The following ANTXR1 variants were observed in gnomAD, a reference collection of about 807,000 sequenced individuals.
ANTXR1 encodes ANTXR cell adhesion molecule 1.
ANTXR1 carries 19 observed loss-of-function variants against 78.1 expected under a neutral mutation model. The ratio of observed to expected loss-of-function variants is 0.24; its 90% CI spans 0.17 to 0.36. The LOEUF (loss-of-function observed/expected upper bound fraction) is 0.36, where lower values mean the gene tolerates loss of function less well. Ranked by LOEUF, ANTXR1 falls within the 10% of genes least tolerant of loss-of-function variation. The pLI is 1.00. For synonymous variants in ANTXR1, 273 were observed against 260.5 expected, an observed-to-expected ratio of 1.05 and a Z score of -0.46; for missense variants, 518 against 718.6, an observed-to-expected ratio of 0.72 and a Z score of 3.19.
chr2:69,215,903 C>T (rs1675162539), intron 17 of ANTXR1, among the ~76,000 whole-genome samples: 1 of 152,146 alleles, frequency 6.6e-6, no homozygotes. Context: ...TTTTTAACAA[C>T]AAAGATATCA....
intron 3 of ANTXR1, among the ~76,000 whole-genome samples, chr2:69,050,081 C>G (rs1407634218): frequency 1.3e-5 from 2 of 151,938 alleles, no homozygotes; most frequent in African/African-American, 4.8e-5. Flanking sequence ...ATCGCTTGAG[C>G]CCAGGAGTTC....
intron 9 of ANTXR1, among the ~76,000 whole-genome samples, chr2:69,101,977 C>T (rs913234554): frequency 8.5e-5 from 13 of 152,296 alleles, no homozygotes; most frequent in Middle Eastern, 3.4e-3. Flanking sequence ...TACTTAATAA[C>T]GATTTTATTC....
chr2:69,096,010 G>A (rs912694115), intron 9 of ANTXR1, among the ~76,000 whole-genome samples: 1 of 151,952 alleles, frequency 6.6e-6, no homozygotes, highest in African/African-American at 2.4e-5. Context: ...TGTAATCCCA[G>A]CACTTTGGGA....
At chr2:69,207,173 T>C (rs1291436225) in intron 17 of ANTXR1, among the ~76,000 whole-genome samples, 1 of 152,246 alleles carries the variant, frequency 6.6e-6, no homozygotes, top group Non-Finnish European at 1.5e-5. Context: ...ACTAGGTCGA[T>C]AGTAGATTTA....
intron 17 of ANTXR1, among the ~76,000 whole-genome samples, chr2:69,217,146 G>A (rs1316604382): frequency 6.6e-6 from 1 of 152,182 alleles, no homozygotes; most frequent in Non-Finnish European, 1.5e-5. Context: ...ACTGTTTCCT[G>A]TCTTTGGAAC....
intron 1 of ANTXR1, among the ~76,000 whole-genome samples, chr2:69,021,190 C>G (rs1341246882): frequency 6.6e-6 from 1 of 152,172 alleles, no homozygotes; most frequent in East Asian, 1.9e-4. Flanking sequence ...AAGGTCTGTA[C>G]AGTCATCATT....
chr2:69,078,054 T>C (rs1173868934), intron 8 of ANTXR1, among the ~76,000 whole-genome samples: 2 of 152,198 alleles, frequency 1.3e-5, no homozygotes, highest in Non-Finnish European at 2.9e-5. Flanking sequence ...ATACATGGGC[T>C]CCAGTGTTGT....
chr2:69,060,411 T>C (rs78745251), intron 3 of ANTXR1, among the ~76,000 whole-genome samples: 4,627 of 152,216 alleles, frequency 0.03, 267 homozygotes, highest in African/African-American at 0.11. Flanking sequence ...TCTGAAGTCA[T>C]GGAAGAATGA....
chr2:69,087,553 AG>A (rs1202618239), intron 8 of ANTXR1, among the ~76,000 whole-genome samples: 5 of 152,206 alleles, frequency 3.3e-5, no homozygotes, highest in Non-Finnish European at 5.9e-5. Flanking sequence ...AATACGGACC[AG>A]GGCCAAGACC....
chr2:69,145,997 G>A (rs1673216460), intron 12 of ANTXR1: 4 of 985,352 alleles, frequency 4.1e-6, no homozygotes, highest in African/African-American at 1.7e-5. Flanking sequence ...CATTTTGTGA[G>A]TTGGGAGCAG....
chr2:69,098,091 G>A (rs903063031), intron 9 of ANTXR1, among the ~76,000 whole-genome samples: 1 of 152,182 alleles, frequency 6.6e-6, no homozygotes, highest in Non-Finnish European at 1.5e-5. Context: ...AGTGGAGGTA[G>A]GGAGGGCTGG....
chr2:69,161,219 G>C (rs1489364014), intron 13 of ANTXR1, among the ~76,000 whole-genome samples: 1 of 152,214 alleles, frequency 6.6e-6, no homozygotes, highest in Non-Finnish European at 1.5e-5. Context: ...TGGAGACCAT[G>C]CACAGCCATT....
chr2:69,159,722 TCTCC>T (rs1359911599), intron 13 of ANTXR1, among the ~76,000 whole-genome samples: 2 of 152,154 alleles, frequency 1.3e-5, no homozygotes, highest in African/African-American at 2.4e-5. Context: ...ACAAAATTGT[TCTCC>T]CTGTCTTGTT....
At chr2:69,095,769 A>T (rs1671379665) in intron 9 of ANTXR1, among the ~76,000 whole-genome samples, 1 of 152,246 alleles carries the variant, frequency 6.6e-6, no homozygotes, top group Non-Finnish European at 1.5e-5. Flanking sequence ...AGCAGATGCT[A>T]TCAGGAGAAA....
At chr2:69,145,338 A>G in intron 12 of ANTXR1, 1 of 1,597,914 alleles carries the variant, frequency 6.3e-7, no homozygotes, top group East Asian at 2.3e-5. Context: ...CCTCCACAAA[A>G]TTGCATCAGG....
At chr2:69,141,818 G>T (rs944129046) in intron 12 of ANTXR1, among the ~76,000 whole-genome samples, 2 of 152,134 alleles carry the variant, frequency 1.3e-5, no homozygotes, top group Non-Finnish European at 2.9e-5. Flanking sequence ...GGGCATGAAG[G>T]CTTTTTGCCT....
intron 1 of ANTXR1, among the ~76,000 whole-genome samples, chr2:69,032,550 A>G (rs1029884597): frequency 6.6e-6 from 1 of 152,106 alleles, no homozygotes; most frequent in Admixed American, 6.6e-5. Context: ...GGGGGATGCA[A>G]AGTGGCTACT....
chr2:69,095,499 A>C (rs1671370575), intron 9 of ANTXR1, among the ~76,000 whole-genome samples: 1 of 152,258 alleles, frequency 6.6e-6, no homozygotes, highest in African/African-American at 2.4e-5. Flanking sequence ...TGAAGTCATC[A>C]CAGAGACTGA....
rs937957231 is a variant in ANTXR1 at position 69,207,842 on chromosome 2, T to C, written c.1434+14427T>C. ...AATTTGAAGGTGGAGAAGAATTTTA[T>C]TGAGCGACGGAACAGATCTTAGTGG... On this transcript the variant is annotated intron_variant, in intron 17 of 17. Coordinates refer to ENST00000303714, the MANE Select transcript of ANTXR1 (RefSeq NM_032208.3). 5.3e-5 allele frequency among the ~76,000 whole-genome samples: 8 copies of C among 152,218 alleles called. No homozygotes were observed. The East Asian group carries it at 5.8e-4, about 11-fold the overall frequency.
Sources: allele counts gnomAD v4.1 joint callset (sites outside exome capture counted in the v4.1 genomes callset), GRCh38; gene constraint gnomAD v4.1.1; transcripts MANE v1.5; gene names NCBI Gene and HGNC (gene_info 2026-07-23, HGNC 2026-07-21).